RBP2: variants seen among roughly 807,000 people sequenced by gnomAD.
RBP2 encodes the protein retinol-binding protein 2.
Under a neutral mutation model 17.0 loss-of-function variants are expected in RBP2, and 17 were observed. That is an observed-to-expected ratio of 1.00 (90% CI 0.68 to 1.50). RBP2 has a LOEUF of 1.50. Ranked by LOEUF, RBP2 falls within the 40% of genes most tolerant of loss-of-function variation. The probability of loss-of-function intolerance (pLI) is 0.00; values close to 1 mark genes in which losing one functional copy is unlikely to be tolerated. For synonymous variants in RBP2, 48 were observed against 57.1 expected, an observed-to-expected ratio of 0.84 and a Z score of 0.72; for missense variants, 158 against 168.2, an observed-to-expected ratio of 0.94 and a Z score of 0.33.
At chr3:139,463,484 C>T (rs1324752625) in intron 1 of RBP2, among the ~76,000 whole-genome samples, 4 of 152,156 alleles carry the variant, frequency 2.6e-5, no homozygotes, top group Non-Finnish European at 4.4e-5. Context: ...CTGTGCCCGG[C>T]CTCTTCTGTT....
At chr3:139,462,071 C>T in intron 2 of RBP2, 41 bp downstream of exon 2, 1 of 1,576,326 alleles carries the variant, frequency 6.3e-7, no homozygotes, top group Non-Finnish European at 8.6e-7. Context: ...CAGCCCCTGG[C>T]ACAGAATGTG....
At position 139,476,473 on chromosome 3, in the gene RBP2, G is replaced by A. The variant is rs780827457; in HGVS notation, c.-14C>T. ...GTCCCTTGTCATGGTGGTGGCCACT[G>A]GTTCGGTGAGGGTTTGTGGTGGATG... On this transcript the variant is annotated 5_prime_UTR_variant, in exon 1 of 4. Coordinates refer to ENST00000232217, the MANE Select transcript of RBP2 (RefSeq NM_004164.3). 6.2e-7 allele frequency: 1 copy of A among 1,613,314 alleles called. No homozygotes were observed. The highest frequency in any genetic ancestry group is 1.1e-5 in the South Asian group (1 of 91,026).
At chr3:139,459,069 G>A (rs906899546) in intron 2 of RBP2, among the ~76,000 whole-genome samples, 20 of 152,108 alleles carry the variant, frequency 1.3e-4, no homozygotes, top group African/African-American at 4.6e-4. Context: ...GGCACAACAT[G>A]CACCTCTCCT....
Position 139,452,973 on chromosome 3 carries a change from G to A in RBP2, c.*143C>T, listed in dbSNP as rs749560438. ...GGAATATGTCTATCACTGCTACATA[G>A]GCATTCTGTTTAAAACCCACCCAGA... is the stretch of plus-strand genomic sequence containing the variant. On this transcript the variant is annotated 3_prime_UTR_variant, in exon 4 of 4. Transcript: ENST00000232217. 1 of 820,136 alleles carries A rather than the reference G, an allele frequency of 1.2e-6. No individual in the cohort carries two copies. Among genetic ancestry groups the A allele is most frequent in the Non-Finnish European group, 2.1e-6 (1 of 487,324 alleles). The allele number at this position is 820,136 out of a possible 1,614,324, so 50.8% of individuals were successfully genotyped here. A position where few individuals can be genotyped will look rare whatever the true frequency, so the allele number is the denominator to read the frequency against.
chr3:139,475,927 C>T (rs1933722885), intron 1 of RBP2, among the ~76,000 whole-genome samples: 1 of 152,200 alleles, frequency 6.6e-6, no homozygotes, highest in South Asian at 2.1e-4. Context: ...CTTGATTTTC[C>T]CTAGGCTGAG....
chr3:139,467,977 C>T (rs1033090562), intron 1 of RBP2, among the ~76,000 whole-genome samples: 6 of 152,164 alleles, frequency 3.9e-5, no homozygotes, highest in Non-Finnish European at 7.3e-5. Flanking sequence ...GCTCCTTCTC[C>T]AGTCCTTTGT....
chr3:139,467,042 C>T (rs1933390755), intron 1 of RBP2, among the ~76,000 whole-genome samples: 1 of 152,152 alleles, frequency 6.6e-6, no homozygotes, highest in South Asian at 2.1e-4. Flanking sequence ...GTTATTCTTT[C>T]CTGCAGTTTC....
chr3:139,454,725 T>G lies in RBP2; in HGVS notation c.354+4A>C. ...AAGTGAGCTGAGCAGAACCCAGTACTTACCAGGTACAGCTTGTCCCCCTCA... is the reference window on the plus strand; with the variant it reads ...AAGTGAGCTGAGCAGAACCCAGTACGTACCAGGTACAGCTTGTCCCCCTCA... On this transcript the variant is annotated splice_donor_region_variant and intron_variant, in intron 3 of 3. Coordinates refer to ENST00000232217, the MANE Select transcript of RBP2 (RefSeq NM_004164.3). 2 of 1,613,514 alleles carry G rather than the reference T, an allele frequency of 1.2e-6. No homozygotes were observed. The highest frequency in any genetic ancestry group is 1.7e-6 in the Non-Finnish European group (2 of 1,179,456).
At chr3:139,476,318 C>G in intron 1 of RBP2, 69 bp downstream of exon 1, 1 of 1,344,056 alleles carries the variant, frequency 7.4e-7, no homozygotes, top group Non-Finnish European at 1.1e-6. Flanking sequence ...CATAGCAGCA[C>G]TGTCTGGAGG....
chr3:139,458,446 T>C (rs1487396992), intron 2 of RBP2, among the ~76,000 whole-genome samples: 4 of 152,340 alleles, frequency 2.6e-5, no homozygotes, highest in Admixed American at 2.6e-4. Flanking sequence ...TGCCCCAATT[T>C]CAATTACTTA....
intron 1 of RBP2, among the ~76,000 whole-genome samples, chr3:139,470,087 A>G (rs948795980): frequency 3.3e-5 from 5 of 152,126 alleles, no homozygotes; most frequent in African/African-American, 7.2e-5. Flanking sequence ...CAAAGTGCCA[A>G]TTTTAATACT....
chr3:139,474,028 C>T (rs993515134), intron 1 of RBP2, among the ~76,000 whole-genome samples: 2 of 152,132 alleles, frequency 1.3e-5, no homozygotes, highest in South Asian at 2.1e-4. Flanking sequence ...CTCTACACTG[C>T]GGAGATCATG....
At chr3:139,466,794 C>T (rs1454153142) in intron 1 of RBP2, 1 of 152,226 alleles carries the variant, frequency 6.6e-6, no homozygotes, top group African/African-American at 2.4e-5. Context: ...CCCCTGATCT[C>T]ACAGGCCAAT....
intron 1 of RBP2, among the ~76,000 whole-genome samples, chr3:139,471,275 A>G (rs921905422): frequency 6.6e-6 from 1 of 152,236 alleles, no homozygotes; most frequent in African/African-American, 2.4e-5. Flanking sequence ...TCATGGTATG[A>G]GAATAATTTG....
chr3:139,474,920 TG>T (rs1349105401), intron 1 of RBP2, among the ~76,000 whole-genome samples: 1 of 152,174 alleles, frequency 6.6e-6, no homozygotes, highest in Non-Finnish European at 1.5e-5. Context: ...GATGGGGCTC[TG>T]GTAGGAGGAT....
At chr3:139,460,827 GA>G (rs1933160959) in intron 2 of RBP2, among the ~76,000 whole-genome samples, 1 of 152,172 alleles carries the variant, frequency 6.6e-6, no homozygotes, top group Non-Finnish European at 1.5e-5. Flanking sequence ...CTCAGTTTGG[GA>G]GATAGGACAG....
chr3:139,469,072 A>T (rs150964692), intron 1 of RBP2, among the ~76,000 whole-genome samples: 1 of 152,340 alleles, frequency 6.6e-6, no homozygotes, highest in Non-Finnish European at 1.5e-5. Flanking sequence ...CAAAAAGGGC[A>T]GGTGCTCTTT....
At chr3:139,469,432 A>G (rs1292823069) in intron 1 of RBP2, among the ~76,000 whole-genome samples, 1 of 152,120 alleles carries the variant, frequency 6.6e-6, no homozygotes, top group East Asian at 1.9e-4. Flanking sequence ...TGGGATGGAC[A>G]TTAGAGTGGA....
chr3:139,468,976 T>C (rs991177321), intron 1 of RBP2, among the ~76,000 whole-genome samples: 8 of 152,248 alleles, frequency 5.3e-5, no homozygotes, highest in Non-Finnish European at 7.4e-5. Context: ...TTTTGAACAA[T>C]ACAAGCCATA....
Sources: allele counts gnomAD v4.1 joint callset (sites outside exome capture counted in the v4.1 genomes callset), GRCh38; gene constraint gnomAD v4.1.1; transcripts MANE v1.5; gene names NCBI Gene and HGNC (gene_info 2026-07-23, HGNC 2026-07-21).